The following KLHDC1 variants were observed in gnomAD, a reference collection of about 807,000 sequenced individuals.
The protein encoded by KLHDC1 is kelch domain-containing protein 1.
A neutral mutation model predicts 68.3 loss-of-function variants in KLHDC1; 53 were observed. The observed-to-expected ratio is 0.78, with a 90% CI of 0.62 to 0.98. The LOEUF (loss-of-function observed/expected upper bound fraction) is 0.98. KLHDC1 is among the 50% of genes least tolerant of loss of function. KLHDC1 has a pLI of 0.00. For missense variants in KLHDC1, 470 were observed against 492.3 expected (o/e 0.95, Z 0.43); for synonymous variants, 148 against 159.0 (o/e 0.93, Z 0.52).
chr14:49,736,217 A>G (rs976037109), intron 10 of KLHDC1, among the ~76,000 whole-genome samples: 8 of 152,252 alleles, frequency 5.3e-5, no homozygotes, highest in African/African-American at 9.6e-5. Flanking sequence ...ACTATTATCT[A>G]TAATATACTG....
chr14:49,697,601 T>C (rs1887781193), intron 1 of KLHDC1, among the ~76,000 whole-genome samples: 1 of 152,224 alleles, frequency 6.6e-6, no homozygotes, highest in Non-Finnish European at 1.5e-5. Flanking sequence ...ATGCAATATC[T>C]GTCAAGCACA....
At chr14:49,734,683 T>C in intron 10 of KLHDC1, 22 bp downstream of exon 10, 2 of 1,345,704 alleles carry the variant, frequency 1.5e-6, no homozygotes, top group Non-Finnish European at 2.1e-6. Flanking sequence ...AATTGACAAA[T>C]AGTAAAATAG....
intron 4 of KLHDC1, among the ~76,000 whole-genome samples, chr14:49,719,263 G>A (rs562905388): frequency 4.9e-4 from 74 of 151,784 alleles, no homozygotes; most frequent in African/African-American, 1.8e-3. Flanking sequence ...ATTTCCCTCT[G>A]AGCCCTGCCT....
At chr14:49,717,545 A>T (rs185433755) in intron 4 of KLHDC1, among the ~76,000 whole-genome samples, 135 of 152,366 alleles carry the variant, frequency 8.9e-4, no homozygotes, top group African/African-American at 3.0e-3. Flanking sequence ...CCATTTAAAA[A>T]AAATGAGTCG....
intron 10 of KLHDC1, among the ~76,000 whole-genome samples, chr14:49,737,520 T>A (rs1888956517): frequency 6.6e-6 from 1 of 152,128 alleles, no homozygotes; most frequent in South Asian, 2.1e-4. Context: ...AAATAAGTTA[T>A]GATTTATAAT....
intron 4 of KLHDC1, among the ~76,000 whole-genome samples, chr14:49,711,462 C>G (rs1888198198): frequency 6.6e-6 from 1 of 152,174 alleles, no homozygotes; most frequent in African/African-American, 2.4e-5. Context: ...CTCGGCCTCC[C>G]AAAGTGCTGG....
At chr14:49,735,817 C>G (rs377321883) in intron 10 of KLHDC1, among the ~76,000 whole-genome samples, 11 of 152,016 alleles carry the variant, frequency 7.2e-5, no homozygotes, top group Non-Finnish European at 1.3e-4. Flanking sequence ...TTGAGAGCAG[C>G]CTGGGCAACA....
intron 5 of KLHDC1, 80 bp downstream of exon 5, chr14:49,724,032 C>T: frequency 1.3e-6 from 1 of 775,964 alleles, no homozygotes; most frequent in Non-Finnish European, 2.1e-6. Context: ...TCTAGTCTTT[C>T]TCATTTTTGG....
chr14:49,694,778 C>T (rs1225601490), intron 1 of KLHDC1, among the ~76,000 whole-genome samples: 2 of 152,024 alleles, frequency 1.3e-5, no homozygotes, highest in Non-Finnish European at 2.9e-5. Flanking sequence ...CACTTGGACC[C>T]GGGAGGCGGA....
chr14:49,732,925 G>T, intron 9 of KLHDC1, 109 bp downstream of exon 9: 5 of 632,704 alleles, frequency 7.9e-6, no homozygotes, highest in Admixed American at 5.8e-5. Context: ...TTTCTGGTTT[G>T]CCTTTATCCT....
At chr14:49,709,477 A>G (rs1053489902) in intron 2 of KLHDC1, among the ~76,000 whole-genome samples, 1 of 150,746 alleles carries the variant, frequency 6.6e-6, no homozygotes, top group African/African-American at 2.4e-5. Flanking sequence ...TTATTCTGCA[A>G]ATTTCCAGTT....
intron 8 of KLHDC1, 46 bp downstream of exon 8, chr14:49,729,594 G>A: frequency 8.4e-7 from 1 of 1,194,492 alleles, no homozygotes; most frequent in Admixed American, 1.9e-5. Flanking sequence ...GCATGTGTAT[G>A]TGTCTGTATG....
intron 4 of KLHDC1, among the ~76,000 whole-genome samples, chr14:49,716,723 CAT>C (rs1594662502): frequency 6.6e-6 from 1 of 152,070 alleles, no homozygotes; most frequent in East Asian, 1.9e-4. Flanking sequence ...ATACATAAAA[CAT>C]AAAATTTTTC....
chr14:49,710,681 A>G (rs1051160378), intron 4 of KLHDC1, among the ~76,000 whole-genome samples: 3 of 152,170 alleles, frequency 2.0e-5, no homozygotes, highest in Admixed American at 6.6e-5. Context: ...CATCAATAAA[A>G]CTAGATGGTA....
chr14:49,695,918 T>A (rs1207277457), intron 1 of KLHDC1, among the ~76,000 whole-genome samples: 1 of 151,814 alleles, frequency 6.6e-6, no homozygotes, highest in Non-Finnish European at 1.5e-5. Context: ...CAAAAAAAAT[T>A]AGCCAGGCGT....
At position 49,711,910 on chromosome 14, in the gene KLHDC1, CTTTTTTTTTTTT is replaced by C. The variant is rs992092493; in HGVS notation, c.404+1545_404+1556del. 1.2e-4 allele frequency among the ~76,000 whole-genome samples: 9 copies of C among 76,616 alleles called. 1 individual carries two copies. The highest frequency in any genetic ancestry group is 7.3e-4 in the East Asian group (2 of 2,742). The allele number at this position is 76,616 out of a possible 152,430, so 50.3% of individuals were successfully genotyped here. A position where few individuals can be genotyped will look rare whatever the true frequency, so the allele number is the denominator to read the frequency against. On this transcript the variant is annotated intron_variant, in intron 4 of 12. Transcript: ENST00000359332. ...TTATATGTCTTTCTTTTTTCTTTTT[CTTTTTTTTTTTT>C]TTTTTTTTTTTTTTTGAGGCAGAAT...
intron 11 of KLHDC1, among the ~76,000 whole-genome samples, chr14:49,743,413 A>G (rs1487843742): frequency 6.6e-5 from 10 of 151,136 alleles, no homozygotes; most frequent in Non-Finnish European, 2.9e-5. Flanking sequence ...AAAAAAAAAA[A>G]AAAGAAAAGA....
chr14:49,719,286 G>C (rs1026350522), intron 4 of KLHDC1, among the ~76,000 whole-genome samples: 2 of 151,742 alleles, frequency 1.3e-5, no homozygotes, highest in Non-Finnish European at 2.9e-5. Context: ...GCTGCATCTC[G>C]TAAGTTTTGT....
intron 1 of KLHDC1, among the ~76,000 whole-genome samples, chr14:49,697,214 C>T (rs867820851): frequency 7.2e-5 from 11 of 152,260 alleles, no homozygotes; most frequent in East Asian, 3.9e-4. Flanking sequence ...GGATTATAGG[C>T]GTGAGCCACC....
Sources: allele counts gnomAD v4.1 joint callset (sites outside exome capture counted in the v4.1 genomes callset), GRCh38; gene constraint gnomAD v4.1.1; transcripts MANE v1.5; gene names NCBI Gene and HGNC (gene_info 2026-07-23, HGNC 2026-07-21).